The following NEBL variants were observed in gnomAD, a reference collection of about 807,000 sequenced individuals.
NEBL encodes the protein LIM and SH3 protein 2.
Under a neutral mutation model 140.2 loss-of-function variants are expected in NEBL, and 122 were observed. The ratio of observed to expected loss-of-function variants is 0.87; its 90% CI spans 0.75 to 1.01. The LOEUF is 1.01. NEBL is among the 50% of genes least tolerant of loss of function. NEBL has a pLI of 0.00. For missense variants in NEBL, 1,365 were observed against 1,231.3 expected (o/e 1.11, Z -1.62); for synonymous variants, 436 against 398.9 (o/e 1.09, Z -1.11).
chr10:20,796,023 A>T (rs1836479533), intron 26 of NEBL, among the ~76,000 whole-genome samples: 1 of 152,192 alleles, frequency 6.6e-6, no homozygotes, highest in African/African-American at 2.4e-5. Flanking sequence ...ATATGCAGAC[A>T]TTACATTTCA....
chr10:20,969,667 T>C (rs575021080), intron 3 of NEBL, among the ~76,000 whole-genome samples: 2 of 150,248 alleles, frequency 1.3e-5, no homozygotes, highest in African/African-American at 4.9e-5. Context: ...TGCCTCAGCC[T>C]CCTCAGTAGC....
intron 3 of NEBL, among the ~76,000 whole-genome samples, chr10:21,196,906 A>G (rs966720809): frequency 3.3e-5 from 5 of 152,192 alleles, no homozygotes; most frequent in Non-Finnish European, 7.3e-5. Context: ...TTCCTCTAAT[A>G]CATGTCCAAG....
intron 3 of NEBL, among the ~76,000 whole-genome samples, chr10:20,984,423 G>A (rs1038497877): frequency 2.6e-5 from 4 of 152,064 alleles, no homozygotes; most frequent in East Asian, 1.9e-4. Flanking sequence ...AATATTGAAC[G>A]AAAACTATTA....
At chr10:20,899,410 T>C (rs769006815), upstream of NEBL, 25 of 1,304,082 alleles carry the variant, frequency 1.9e-5, no homozygotes, top group East Asian at 1.3e-3. Flanking sequence ...TTATTTCTCA[T>C]TTCCCATCAC....
At chr10:20,890,682 C>T (rs959081289) in intron 2 of NEBL, among the ~76,000 whole-genome samples, 8 of 152,248 alleles carry the variant, frequency 5.3e-5, no homozygotes, top group African/African-American at 1.7e-4. Context: ...TTCTCTGCAA[C>T]TCACAAGTCA....
intron 2 of NEBL, among the ~76,000 whole-genome samples, chr10:21,151,297 CACTCATGTGGTGA>C (rs1183982713): frequency 1.3e-5 from 2 of 152,186 alleles, no homozygotes; most frequent in Non-Finnish European, 2.9e-5. Context: ...CCTGCGTCAC[CACTCATGTGGTGA>C]AACTTCCAGG....
At chr10:21,271,303 A>G (rs942650255) in intron 1 of NEBL, among the ~76,000 whole-genome samples, 4 of 152,180 alleles carry the variant, frequency 2.6e-5, no homozygotes, top group Non-Finnish European at 5.9e-5. Flanking sequence ...AAACTCTAAA[A>G]CTTCGACTCC....
At chr10:21,285,869 GC>G (rs1843047846) in intron 1 of NEBL, among the ~76,000 whole-genome samples, 1 of 152,190 alleles carries the variant, frequency 6.6e-6, no homozygotes, top group African/African-American at 2.4e-5. Flanking sequence ...ATGCTTGGCT[GC>G]TATGCTGTAA....
intron 3 of NEBL, among the ~76,000 whole-genome samples, chr10:20,974,641 T>G (rs924416730): frequency 6.6e-6 from 1 of 152,212 alleles, no homozygotes; most frequent in Non-Finnish European, 1.5e-5. Flanking sequence ...TTTTAAATTG[T>G]TCTTACATGT....
Position 20,784,307 on chromosome 10 carries a change from C to A in NEBL, c.*1440G>T, listed in dbSNP as rs1183494168. ...CGACGGGTGCCGCTGGCTTGGTGAC[C>A]TGGACTGCAGACTCTGGATGAAATT... On this transcript the variant is annotated 3_prime_UTR_variant, in exon 28 of 28. Transcript: ENST00000377122. 6.6e-6 allele frequency: 1 copy of A among 152,040 alleles called. No homozygotes were observed. The highest frequency in any genetic ancestry group is 1.5e-5 in the Non-Finnish European group (1 of 68,028). The allele number at this position is 152,040 out of a possible 1,614,324, so 9.4% of individuals were successfully genotyped here. A position where few individuals can be genotyped will look rare whatever the true frequency, so the allele number is the denominator to read the frequency against.
rs1291636433 is a variant in NEBL, at chr10:20,880,824, A to G, written c.450T>C (p.His150=). The part of the protein sequence containing the change: ...AHMKEPPEVK[H]AMEVNKHQSN... ...TCTGGTGTTTATTGACCTCCATGGC[A>G]TGTTTAACCTCAGGGGGCTCCTTCA... Residue 150 remains histidine (H), a synonymous_variant, in exon 5 of 28, where the codon CAT becomes CAC. Coordinates refer to ENST00000377122, the MANE Select transcript of NEBL (RefSeq NM_006393.3). 2 of 1,613,902 alleles carry G rather than the reference A, an allele frequency of 1.2e-6. No homozygotes were observed. The highest frequency in any genetic ancestry group is 1.3e-5 in the African/African-American group (1 of 74,924).
intron 4 of NEBL, among the ~76,000 whole-genome samples, chr10:20,938,745 G>A (rs1045077296): frequency 1.3e-5 from 2 of 152,132 alleles, no homozygotes; most frequent in Non-Finnish European, 2.9e-5. Flanking sequence ...GTCCTCAAAG[G>A]ACCTGATGGA....
At chr10:20,797,563 G>T (rs1286100077) in intron 26 of NEBL, among the ~76,000 whole-genome samples, 1 of 152,144 alleles carries the variant, frequency 6.6e-6, no homozygotes, top group Non-Finnish European at 1.5e-5. Context: ...ATGATCTCAA[G>T]ATACAGAAAT....
chr10:21,259,459 A>G lies in NEBL; in HGVS notation n.183-7631T>C, dbSNP rs113102120. ...CCACCCTTACTTCCTAGGGTTTGGGATGTTACTTCACCTTCTGTTCCTCAT... is the reference window on the plus strand; with the variant it reads ...CCACCCTTACTTCCTAGGGTTTGGGGTGTTACTTCACCTTCTGTTCCTCAT... On this transcript the variant is annotated intron_variant and non_coding_transcript_variant, in intron 1 of 8. Coordinates refer to the NEBL transcript ENST00000675702. Among the ~76,000 whole-genome samples the G allele has an allele frequency of 9.9e-5, 15 of 152,102 alleles. 3 individuals carry two copies. The highest frequency in any genetic ancestry group is 3.6e-4 in the African/African-American group (15 of 41,492).
At chr10:20,955,532 G>C (rs143985714) in intron 4 of NEBL, among the ~76,000 whole-genome samples, 6 of 152,320 alleles carry the variant, frequency 3.9e-5, no homozygotes, top group South Asian at 2.1e-4. Flanking sequence ...TCGAAGAACA[G>C]AGGTGAAAAG....
chr10:20,848,999 A>C (rs1842230885), intron 11 of NEBL, among the ~76,000 whole-genome samples: 1 of 152,110 alleles, frequency 6.6e-6, no homozygotes, highest in South Asian at 2.1e-4. Flanking sequence ...ACAAGTTATC[A>C]TTTCTGCCTG....
intron 2 of NEBL, among the ~76,000 whole-genome samples, chr10:21,048,376 G>C (rs962553510): frequency 2.7e-5 from 4 of 147,540 alleles, no homozygotes; most frequent in African/African-American, 1.0e-4. Context: ...GCTTCTGATG[G>C]TTGCCACTCA....
chr10:21,074,982 T>C (rs1477804076), intron 2 of NEBL, among the ~76,000 whole-genome samples: 1 of 151,696 alleles, frequency 6.6e-6, no homozygotes, highest in African/African-American at 2.4e-5. Flanking sequence ...TTTTTGTATT[T>C]TTAGTAGAGG....
At chr10:21,221,756 T>G (rs1392642027) in intron 3 of NEBL, among the ~76,000 whole-genome samples, 4 of 152,196 alleles carry the variant, frequency 2.6e-5, no homozygotes, top group Non-Finnish European at 5.9e-5. Flanking sequence ...CCGCCCGCCT[T>G]GACCTCTCAG....
Sources: gnomAD v4.1 joint callset for allele counts (sites outside exome capture counted in the v4.1 genomes callset) on GRCh38, gnomAD v4.1.1 for gene constraint, MANE v1.5 for transcripts, NCBI Gene and HGNC (gene_info 2026-07-23, HGNC 2026-07-21) for gene names.